Variants in NKD1 observed in about 807,000 individuals in gnomAD.
NKD1 encodes the protein protein naked cuticle homolog 1.
A neutral mutation model predicts 56.0 loss-of-function variants in NKD1; 21 were observed. That is an observed-to-expected ratio of 0.38 (90% CI 0.27 to 0.54). The LOEUF (loss-of-function observed/expected upper bound fraction) is 0.54. Ranked by LOEUF, NKD1 falls within the 20% of genes least tolerant of loss-of-function variation. The pLI is 0.82. For missense variants in NKD1, 578 were observed against 642.7 expected (o/e 0.90, Z 1.09); for synonymous variants, 263 against 265.7 (o/e 0.99, Z 0.10).
chr16:50,550,724 G>C (rs9937802), intron 3 of NKD1, among the ~76,000 whole-genome samples: 7,919 of 152,100 alleles, frequency 0.052, 696 homozygotes, highest in African/African-American at 0.18. Flanking sequence ...CCTTTAAAAA[G>C]AGAACTACAA....
intron 3 of NKD1, among the ~76,000 whole-genome samples, chr16:50,579,321 C>T (rs575781826): frequency 2.1e-5 from 3 of 145,034 alleles, no homozygotes; most frequent in Non-Finnish European, 3.0e-5. Flanking sequence ...CCGCTACACA[C>T]GCACTCTAAC....
At chr16:50,628,956 C>CT (rs5816708) in intron 6 of NKD1, among the ~76,000 whole-genome samples, 87,428 of 137,386 alleles carry the variant, frequency 0.64, 28,051 homozygotes, top group Non-Finnish European at 0.67. Context: ...GTGTCTCTTC[C>CT]TTTTTTTTTT....
intron 3 of NKD1, among the ~76,000 whole-genome samples, chr16:50,567,667 G>C (rs771558472): frequency 6.6e-6 from 1 of 152,166 alleles, no homozygotes; most frequent in Non-Finnish European, 1.5e-5. Flanking sequence ...CAGAGTCCCC[G>C]ATCTCAACTG....
Position 50,648,008 on chromosome 16 carries a change from A to C in NKD1, c.*14227A>C, listed in dbSNP as rs1471978739. The C allele has an allele frequency of 6.6e-6, 1 of 152,234 alleles. No homozygotes were observed. Among genetic ancestry groups the C allele is most frequent in the Non-Finnish European group, 1.5e-5 (1 of 68,046 alleles). The allele number at this position is 152,234 out of a possible 1,614,324, so 9.4% of individuals were successfully genotyped here. A position where few individuals can be genotyped will look rare whatever the true frequency, so the allele number is the denominator to read the frequency against. On this transcript the variant is annotated 3_prime_UTR_variant, in exon 10 of 10. Coordinates refer to ENST00000268459, the MANE Select transcript of NKD1 (RefSeq NM_033119.5). ...GTTGAAGTAACTGGGAAAACTCCAC[A>C]GAGGCTCAGCGTCCACCTCTACCTG...
At chr16:50,620,418 C>G (rs1348072324) in intron 4 of NKD1, among the ~76,000 whole-genome samples, 1 of 152,194 alleles carries the variant, frequency 6.6e-6, no homozygotes, top group Non-Finnish European at 1.5e-5. Context: ...GCTGACTTCC[C>G]AAGAAAGTCC....
At chr16:50,550,167 G>A (rs1960347957) in intron 3 of NKD1, among the ~76,000 whole-genome samples, 1 of 151,894 alleles carries the variant, frequency 6.6e-6, no homozygotes. Context: ...CTCTGAGGCT[G>A]GAGTTCCTGG....
Position 50,595,761 on chromosome 16 carries a change from C to T in NKD1, c.193-12533C>T, listed in dbSNP as rs116799475. 9.2e-3 allele frequency among the ~76,000 whole-genome samples: 1,400 copies of T among 152,306 alleles called. 16 individuals carry two copies. The highest frequency in any genetic ancestry group is 0.031 in the African/African-American group (1,288 of 41,548). On this transcript the variant is annotated intron_variant, in intron 3 of 9. Transcript: ENST00000268459. ...TTCTTATCCCCAGGCCCAAGAGTGG[C>T]CTCAAACCTTCCATGCTGACCATAC... is the stretch of plus-strand genomic sequence containing the variant.
chr16:50,559,004 G>C (rs1472558129), intron 3 of NKD1, among the ~76,000 whole-genome samples: 1 of 152,240 alleles, frequency 6.6e-6, no homozygotes, highest in Non-Finnish European at 1.5e-5. Flanking sequence ...GGTGCCAGAG[G>C]TGTGCTTAGA....
intron 3 of NKD1, among the ~76,000 whole-genome samples, chr16:50,564,706 G>A (rs1960719487): frequency 6.6e-6 from 1 of 152,122 alleles, no homozygotes; most frequent in Non-Finnish European, 1.5e-5. Flanking sequence ...GTTCTGTTCT[G>A]TCCAAGTCCC....
Position 50,633,366 on chromosome 16 carries a change from A to C in NKD1, c.998A>C (p.Gln333Pro). ...TPIAKVSELQ[Q>P]RLRGTQDGSK... ...ATCGCCAAGGTCTCAGAGCTCCAGCAACGGCTCCGGGGCACCCAGGACGGG... is the reference window on the plus strand; with the variant it reads ...ATCGCCAAGGTCTCAGAGCTCCAGCCACGGCTCCGGGGCACCCAGGACGGG... The change falls in exon 10 of 10, where the codon CAA (glutamine) becomes CCA (proline). Residue 333 changes from glutamine to proline, a missense_variant. Physicochemically the swap from Gln to Pro is moderately conservative, Grantham distance 76. Coordinates refer to ENST00000268459, the MANE Select transcript of NKD1 (RefSeq NM_033119.5). This position sits in a 1 kb window ranked among gnomAD's most constrained non-coding sequence, Gnocchi z 4.9. 1 of 1,614,122 alleles carries C rather than the reference A, an allele frequency of 6.2e-7. No homozygotes were observed.
chr16:50,603,763 A>G lies in NKD1; in HGVS notation c.193-4531A>G, dbSNP rs553023153. On this transcript the variant is annotated intron_variant, in intron 3 of 9. Transcript: ENST00000268459. ...GTTTTCCCATCCCCGGAGGCCTTAT[A>G]AGGTATCGTGCCTGGATTCTGGGCT... Among the ~76,000 whole-genome samples the G allele has an allele frequency of 1.1e-4, 16 of 152,288 alleles. No homozygotes were observed. The East Asian group carries it at 2.7e-3, about 26-fold the overall frequency.
chr16:50,609,477 A>C (rs1472428699), intron 4 of NKD1, among the ~76,000 whole-genome samples: 1 of 152,204 alleles, frequency 6.6e-6, no homozygotes, highest in African/African-American at 2.4e-5. Context: ...CTGGGGGGCC[A>C]TGGTGCAAGG....
At chr16:50,591,920 A>C (rs1305891648) in intron 3 of NKD1, among the ~76,000 whole-genome samples, 1 of 152,224 alleles carries the variant, frequency 6.6e-6, no homozygotes, top group Non-Finnish European at 1.5e-5. Flanking sequence ...TAGGCAGGAA[A>C]GCTGTGTGGG....
At chr16:50,572,982 G>A in intron 3 of NKD1, 1 of 561,304 alleles carries the variant, frequency 1.8e-6, no homozygotes, top group Non-Finnish European at 2.3e-6. Context: ...CCTAGCAGTT[G>A]TGCAAATGTA....
chr16:50,628,770 C>T (rs1962277901), intron 6 of NKD1, among the ~76,000 whole-genome samples: 3 of 152,060 alleles, frequency 2.0e-5, no homozygotes, highest in Non-Finnish European at 2.9e-5. Flanking sequence ...CTCAAGCTGC[C>T]GTAATAAAAT....
chr16:50,575,299 G>A, intron 3 of NKD1: 1 of 985,422 alleles, frequency 1.0e-6, no homozygotes, highest in South Asian at 4.7e-5. Flanking sequence ...CCAGAGGCTG[G>A]CTGGTTTTAT....
At chr16:50,589,700 TTCTCTTCTC>T (rs1567342402) in intron 3 of NKD1, among the ~76,000 whole-genome samples, 6 of 20,224 alleles carry the variant, frequency 3.0e-4, no homozygotes, top group Admixed American at 5.2e-4. Context: ...TTCTTTTCTC[TTCTCTTCTC>T]TTCTCTTCTC....
intron 3 of NKD1, among the ~76,000 whole-genome samples, chr16:50,584,870 A>G (rs1358582013): frequency 6.6e-6 from 1 of 152,072 alleles, no homozygotes; most frequent in Non-Finnish European, 1.5e-5. Flanking sequence ...ACCCTATAGC[A>G]CCTGTGTATC....
At position 50,602,007 on chromosome 16, in the gene NKD1, G is replaced by A. The variant is rs529221654; in HGVS notation, c.193-6287G>A. 1.6e-4 allele frequency among the ~76,000 whole-genome samples: 25 copies of A among 152,264 alleles called. No individual in the cohort carries two copies. The South Asian group carries it at 5.2e-3, about 32-fold the overall frequency. On this transcript the variant is annotated intron_variant, in intron 3 of 9. Transcript: ENST00000268459. ...TGCCATGCCCTCTTTCCATCTCTCT[G>A]CCCTTTGATGAGGATTATTTTTGTA... is the stretch of plus-strand genomic sequence containing the variant.
Sources: gnomAD v4.1 joint callset for allele counts (sites outside exome capture counted in the v4.1 genomes callset) on GRCh38, gnomAD v4.1.1 for gene constraint, Gnocchi (gnomAD v3.1) non-coding constraint, MANE v1.5 for transcripts, NCBI Gene and HGNC (gene_info 2026-07-23, HGNC 2026-07-21) for gene names.